ACAA2: variants seen among roughly 807,000 people sequenced by gnomAD.
The protein encoded by ACAA2 is acetyl-CoA acyltransferase 2, also known as 3-ketoacyl-CoA thiolase, mitochondrial.
Under a neutral mutation model 44.8 loss-of-function variants are expected in ACAA2, and 35 were observed. That is an observed-to-expected ratio of 0.78 (90% CI 0.60 to 1.04). ACAA2 has a LOEUF of 1.04. Ranked by LOEUF, ACAA2 falls within the 50% of genes least tolerant of loss-of-function variation. The probability of loss-of-function intolerance (pLI) is 0.00; values close to 1 mark genes in which losing one functional copy is unlikely to be tolerated. For synonymous variants in ACAA2, 142 were observed against 166.5 expected, an observed-to-expected ratio of 0.85 and a Z score of 1.13; for missense variants, 468 against 482.6, an observed-to-expected ratio of 0.97 and a Z score of 0.28.
chr18:49,791,227 TTGA>T (rs936882813), intron 7 of ACAA2, among the ~76,000 whole-genome samples: 1 of 152,246 alleles, frequency 6.6e-6, no homozygotes, highest in African/African-American at 2.4e-5. Context: ...TTACTGTGTG[TTGA>T]TTTTTTAAAT....
chr18:49,803,809 G>T (rs934194123), intron 1 of ACAA2, among the ~76,000 whole-genome samples: 4 of 151,876 alleles, frequency 2.6e-5, no homozygotes, highest in African/African-American at 7.3e-5. Context: ...CTGACAAAAG[G>T]TTCTCTCTAA....
intron 7 of ACAA2, among the ~76,000 whole-genome samples, chr18:49,788,828 A>G (rs371232974): frequency 5.3e-5 from 8 of 152,266 alleles, no homozygotes; most frequent in African/African-American, 1.9e-4. Context: ...GACCACTGTT[A>G]TTTACTGGGA....
In ACAA2 at chr18:49,783,843, C is replaced by G. The variant is rs780184961; in HGVS notation, c.*4G>C. 3 of 1,610,994 alleles carry G rather than the reference C, an allele frequency of 1.9e-6. No homozygotes were observed. Among genetic ancestry groups the G allele is most frequent in the Non-Finnish European group, 1.7e-6 (2 of 1,178,048 alleles). ...GATGGGTCACAGTGAGCTCACTGGTCTCTTCAGGCTGTGCTCTGAATGATG... is the reference window on the plus strand; with the variant it reads ...GATGGGTCACAGTGAGCTCACTGGTGTCTTCAGGCTGTGCTCTGAATGATG... On this transcript the variant is annotated 3_prime_UTR_variant, in exon 10 of 10. Coordinates refer to ENST00000285093, the MANE Select transcript of ACAA2 (RefSeq NM_006111.3).
intron 1 of ACAA2, among the ~76,000 whole-genome samples, chr18:49,803,429 G>A (rs1278150594): frequency 1.3e-5 from 2 of 152,084 alleles, no homozygotes; most frequent in African/African-American, 4.8e-5. Context: ...CATCCTTTCA[G>A]GTGGACCCCT....
At position 49,791,478 on chromosome 18, in the gene ACAA2, A is replaced by G. The variant is rs374903164; in HGVS notation, c.875T>C (p.Met292Thr). Residue 292 changes from methionine (M) to threonine (T), a missense_variant, in exon 7 of 10, where the codon ATG (methionine) becomes ACG (threonine). Physicochemically the swap from Met to Thr is moderately conservative, Grantham distance 81. Coordinates refer to ENST00000285093, the MANE Select transcript of ACAA2 (RefSeq NM_006111.3). ...YFVSGCDPSI[M>T]GIGPVPAISG... is the part of the protein sequence containing the mutation. The stretch of plus-strand genomic sequence containing the variant: ...TTTTACTATAAACTTACCAATACCC[A>G]TGATAGAGGGATCACATCCAGATAC... The G allele has an allele frequency of 2.5e-5, 41 of 1,611,600 alleles. No individual in the cohort carries two copies. Among genetic ancestry groups the G allele is most frequent in the Non-Finnish European group, 3.2e-5 (38 of 1,179,616 alleles).
At chr18:49,793,303 T>C (rs567083431) in intron 5 of ACAA2, among the ~76,000 whole-genome samples, 18 of 152,372 alleles carry the variant, frequency 1.2e-4, no homozygotes, top group Non-Finnish European at 1.9e-4. Flanking sequence ...TTAATTTTCA[T>C]ATCACTTTAC....
At chr18:49,805,794 T>A (rs1786840811) in intron 1 of ACAA2, among the ~76,000 whole-genome samples, 1 of 151,898 alleles carries the variant, frequency 6.6e-6, no homozygotes, top group South Asian at 2.1e-4. Context: ...TCTTGCTATG[T>A]TTCCCAGGCT....
intron 1 of ACAA2, among the ~76,000 whole-genome samples, chr18:49,806,014 A>G (rs561742547): frequency 2.0e-4 from 31 of 152,242 alleles, no homozygotes; most frequent in African/African-American, 5.1e-4. Context: ...ACAGATAACA[A>G]TGAAAAACTC....
At chr18:49,800,324 C>T (rs757181436) in intron 2 of ACAA2, among the ~76,000 whole-genome samples, 5 of 150,870 alleles carry the variant, frequency 3.3e-5, no homozygotes, top group South Asian at 2.1e-4. Context: ...AGGTGAGGGG[C>T]GCCTCTGCCC....
At chr18:49,801,424 CAA>C (rs917688041) in intron 2 of ACAA2, among the ~76,000 whole-genome samples, 2 of 151,918 alleles carry the variant, frequency 1.3e-5, no homozygotes, top group African/African-American at 4.8e-5. Flanking sequence ...CTAGAAAACG[CAA>C]AAAACGGAAG....
At position 49,787,274 on chromosome 18, in the gene ACAA2, A is replaced by AAAAC. The variant is rs2023343112; in HGVS notation, c.954+16_954+17insGTTT. 6.9e-6 allele frequency: 10 copies of AAAAC among 1,439,826 alleles called. No homozygotes were observed. The highest frequency in any genetic ancestry group is 1.5e-5 in the South Asian group (1 of 67,974). 89.2% of individuals were successfully genotyped at this position (1,439,826 alleles called of 1,614,324 possible). A position where few individuals can be genotyped will look rare whatever the true frequency, so the allele number is the denominator to read the frequency against. On this transcript the variant is annotated intron_variant, in intron 8 of 9. Coordinates refer to ENST00000285093, the MANE Select transcript of ACAA2 (RefSeq NM_006111.3). ...ATTCATGTTGTTAAAAAAAAAAAAA[A>AAAAC]AAAAAAAAACACTTACCTCTACCAA...
intron 7 of ACAA2, 84 bp downstream of exon 7, chr18:49,791,386 G>T: frequency 2.1e-6 from 3 of 1,409,778 alleles, no homozygotes; most frequent in Non-Finnish European, 2.9e-6. Flanking sequence ...ACCTTGGTTT[G>T]GCCACTTTTT....
At chr18:49,788,068 CTAATT>C (rs968012546) in intron 7 of ACAA2, among the ~76,000 whole-genome samples, 2 of 152,162 alleles carry the variant, frequency 1.3e-5, no homozygotes, top group Non-Finnish European at 2.9e-5. Context: ...AACATAACTC[CTAATT>C]TAAGAAATGC....
chr18:49,810,074 A>G (rs1478335169), intron 1 of ACAA2, among the ~76,000 whole-genome samples: 1 of 152,238 alleles, frequency 6.6e-6, no homozygotes, highest in Non-Finnish European at 1.5e-5. Flanking sequence ...GGATAGTAAA[A>G]AAACACGGGC....
chr18:49,805,898 G>A (rs1220166605), intron 1 of ACAA2, among the ~76,000 whole-genome samples: 1 of 151,918 alleles, frequency 6.6e-6, no homozygotes, highest in Non-Finnish European at 1.5e-5. Context: ...GCCTATCAGT[G>A]GTTGCTTTAT....
intron 3 of ACAA2, among the ~76,000 whole-genome samples, chr18:49,796,512 CTTAT>C (rs979520272): frequency 5.3e-5 from 8 of 152,096 alleles, no homozygotes; most frequent in South Asian, 2.1e-4. Flanking sequence ...GCCTCTGGCT[CTTAT>C]TTTGTTTGTA....
At chr18:49,791,355 ATCT>A (rs1319062278) in intron 7 of ACAA2, 112 bp downstream of exon 7, 35 of 940,150 alleles carry the variant, frequency 3.7e-5, no homozygotes, top group Middle Eastern at 3.5e-4. Flanking sequence ...CTGATTACCA[ATCT>A]TCTTTTCTCT....
At chr18:49,810,576 TATTTG>T (rs1166063736) in intron 1 of ACAA2, among the ~76,000 whole-genome samples, 3 of 152,210 alleles carry the variant, frequency 2.0e-5, no homozygotes, top group Non-Finnish European at 2.9e-5. Context: ...TATTACTTCT[TATTTG>T]ATGCTCCCAG....
intron 1 of ACAA2, among the ~76,000 whole-genome samples, chr18:49,809,851 C>G (rs1252020035): frequency 6.6e-6 from 1 of 152,176 alleles, no homozygotes; most frequent in Non-Finnish European, 1.5e-5. Context: ...AATGAATGAA[C>G]TTGAATGCAA....
Sources: allele counts gnomAD v4.1 joint callset (sites outside exome capture counted in the v4.1 genomes callset), GRCh38; gene constraint gnomAD v4.1.1; transcripts MANE v1.5; gene names NCBI Gene and HGNC (gene_info 2026-07-23, HGNC 2026-07-21).